The following MTUS2 variants were observed in gnomAD, a reference collection of about 807,000 sequenced individuals.
The protein encoded by MTUS2 is microtubule associated scaffold protein 2.
Under a neutral mutation model 114.1 loss-of-function variants are expected in MTUS2, and 40 were observed. The ratio of observed to expected loss-of-function variants is 0.35; its 90% CI spans 0.27 to 0.46. MTUS2 has a LOEUF of 0.46. MTUS2 is among the 20% of genes least tolerant of loss of function. The pLI, the probability that MTUS2 is intolerant of heterozygous loss-of-function variation, is 1.00. For synonymous variants in MTUS2, 688 were observed against 672.0 expected, an observed-to-expected ratio of 1.02 and a Z score of -0.37; for missense variants, 1,679 against 1,705.4, an observed-to-expected ratio of 0.98 and a Z score of 0.27.
Position 29,505,046 on chromosome 13 carries a change from A to G in MTUS2, c.*1840A>G, listed in dbSNP as rs1883143543. 4.3e-6 allele frequency: 1 copy of G among 232,398 alleles called. No homozygotes were observed. The highest frequency in any genetic ancestry group is 2.2e-5 in the African/African-American group (1 of 45,300). The allele number at this position is 232,398 out of a possible 1,614,324, so 14.4% of individuals were successfully genotyped here. A position where few individuals can be genotyped will look rare whatever the true frequency, so the allele number is the denominator to read the frequency against. ...GGTCTTGCTCCTTCTGGGGACGTAC[A>G]CAGTAAATCCACATGGAAACACCAC... is the stretch of plus-strand genomic sequence containing the variant. On this transcript the variant is annotated 3_prime_UTR_variant, in exon 16 of 16. Transcript: ENST00000612955.
intron 7 of MTUS2, among the ~76,000 whole-genome samples, chr13:29,349,125 TG>T (rs1339371381): frequency 6.6e-6 from 1 of 152,170 alleles, no homozygotes; most frequent in African/African-American, 2.4e-5. Flanking sequence ...TGCCTTCTTT[TG>T]GCATTGGATA....
intron 2 of MTUS2, among the ~76,000 whole-genome samples, chr13:28,962,583 G>A (rs1235379680): frequency 6.6e-6 from 1 of 152,154 alleles, no homozygotes; most frequent in Non-Finnish European, 1.5e-5. Flanking sequence ...AAACAGAAAA[G>A]CCAGTTTCCT....
chr13:29,045,693 T>A (rs2138577589), intron 4 of MTUS2, among the ~76,000 whole-genome samples: 1 of 152,316 alleles, frequency 6.6e-6, no homozygotes, highest in East Asian at 1.9e-4. Context: ...CATTTCTTTT[T>A]GATGATGATG....
At chr13:29,406,027 C>T (rs191136593) in intron 8 of MTUS2, among the ~76,000 whole-genome samples, 124 of 152,332 alleles carry the variant, frequency 8.1e-4, no homozygotes, top group Non-Finnish European at 1.3e-3. Context: ...AGGCGTGAGT[C>T]ACTGCGCCTG....
intron 2 of MTUS2, among the ~76,000 whole-genome samples, chr13:29,016,570 G>A (rs887854650): frequency 3.3e-4 from 50 of 151,936 alleles, no homozygotes; most frequent in African/African-American, 1.2e-3. Context: ...TATCATTTAT[G>A]TATATATTCT....
At position 29,455,817 on chromosome 13, in the gene MTUS2, C is replaced by A. The variant is rs532080565; in HGVS notation, c.3184+15768C>A. Among the ~76,000 whole-genome samples the A allele has an allele frequency of 2.0e-5, 3 of 152,036 alleles. No homozygotes were observed. In the South Asian group the frequency reaches 6.2e-4, roughly 32 times the overall value. On this transcript the variant is annotated intron_variant, in intron 9 of 15. Transcript: ENST00000612955. ...GCAACATGGCAAAACCCCATCTCTA[C>A]AAAAAATACAAAAATTAGCTGGGCA...
At chr13:28,830,111 G>A (rs1326110611) in intron 1 of MTUS2, among the ~76,000 whole-genome samples, 2 of 152,254 alleles carry the variant, frequency 1.3e-5, no homozygotes, top group Non-Finnish European at 2.9e-5. Flanking sequence ...GATAAACAAA[G>A]TAGACTTTAC....
chr13:28,897,647 C>T (rs1312451547), intron 2 of MTUS2, among the ~76,000 whole-genome samples: 1 of 152,070 alleles, frequency 6.6e-6, no homozygotes, highest in Non-Finnish European at 1.5e-5. Flanking sequence ...GACTTGGAAC[C>T]AACCCAAATG....
intron 2 of MTUS2, among the ~76,000 whole-genome samples, chr13:28,934,923 A>G (rs551154873): frequency 1.4e-4 from 21 of 150,494 alleles, no homozygotes; most frequent in Non-Finnish European, 2.8e-4. Flanking sequence ...AAGTTATATA[A>G]TATTTCCAGC....
At chr13:28,996,586 G>A (rs1031292987) in intron 2 of MTUS2, among the ~76,000 whole-genome samples, 6 of 152,212 alleles carry the variant, frequency 3.9e-5, no homozygotes, top group African/African-American at 1.4e-4. Context: ...GCCTGTTATC[G>A]GTCTATTCAG....
intron 2 of MTUS2, among the ~76,000 whole-genome samples, chr13:28,943,763 G>A (rs1269547293): frequency 6.6e-6 from 1 of 152,144 alleles, no homozygotes; most frequent in Non-Finnish European, 1.5e-5. Context: ...AAGAGCACCG[G>A]ATGCATAGGG....
intron 5 of MTUS2, among the ~76,000 whole-genome samples, chr13:29,119,569 T>A (rs916250012): frequency 2.6e-5 from 4 of 152,202 alleles, no homozygotes; most frequent in Admixed American, 6.5e-5. Flanking sequence ...ATTATGTAAT[T>A]AAGGTAAAAA....
chr13:29,245,134 G>A (rs1896874208), intron 5 of MTUS2, among the ~76,000 whole-genome samples: 1 of 152,076 alleles, frequency 6.6e-6, no homozygotes, highest in South Asian at 2.1e-4. Flanking sequence ...AATAAGAGAG[G>A]ACAATCATAG....
chr13:29,477,182 T>C lies in MTUS2; in HGVS notation c.3185-2968T>C, dbSNP rs185793591. ...ACTTTGTGCTTTCTCTCAATGTAGA[T>C]AAAATTCTTGCTTCTCTACTTGAAT... On this transcript the variant is annotated intron_variant, in intron 9 of 15. Transcript: ENST00000612955. 6.8e-4 allele frequency among the ~76,000 whole-genome samples: 104 copies of C among 152,344 alleles called. 2 individuals carry two copies. Among genetic ancestry groups the C allele is most frequent in the Admixed American group, 6.6e-3 (101 of 15,306 alleles).
At chr13:29,394,831 C>T (rs1337700458) in intron 8 of MTUS2, among the ~76,000 whole-genome samples, 5 of 152,146 alleles carry the variant, frequency 3.3e-5, no homozygotes, top group South Asian at 4.1e-4. Context: ...CTGTTGTTAA[C>T]GGTGCATGTG....
intron 5 of MTUS2, among the ~76,000 whole-genome samples, chr13:29,108,210 A>G (rs1043420059): frequency 1.3e-5 from 2 of 152,332 alleles, no homozygotes; most frequent in South Asian, 4.1e-4. Flanking sequence ...TTTTTTATTC[A>G]TGGAAAAAGC....
intron 5 of MTUS2, among the ~76,000 whole-genome samples, chr13:29,206,527 T>C (rs1223441988): frequency 1.3e-5 from 2 of 152,224 alleles, no homozygotes; most frequent in Non-Finnish European, 2.9e-5. Flanking sequence ...CTTCTAGAAT[T>C]TTTATGGTTT....
chr13:29,116,499 G>A (rs1891090362), intron 5 of MTUS2, among the ~76,000 whole-genome samples: 1 of 152,052 alleles, frequency 6.6e-6, no homozygotes, highest in African/African-American at 2.4e-5. Flanking sequence ...ACCTTGGATG[G>A]TACCAAAGGA....
At chr13:28,944,291 G>A (rs1882400616) in intron 2 of MTUS2, among the ~76,000 whole-genome samples, 2 of 152,084 alleles carry the variant, frequency 1.3e-5, no homozygotes, top group Non-Finnish European at 2.9e-5. Flanking sequence ...ATAGTCACTT[G>A]ACTGATCTAT....
Sources: allele counts gnomAD v4.1 joint callset (sites outside exome capture counted in the v4.1 genomes callset), GRCh38; gene constraint gnomAD v4.1.1; transcripts MANE v1.5; gene names NCBI Gene and HGNC (gene_info 2026-07-23, HGNC 2026-07-21).